Variants in C11orf65 observed in about 807,000 individuals in gnomAD.
C11orf65 encodes chromosome 11 open reading frame 65.
A neutral mutation model predicts 35.3 loss-of-function variants in C11orf65; 38 were observed. That is an observed-to-expected ratio of 1.08 (90% CI 0.83 to 1.41). The LOEUF is 1.41. Ranked by LOEUF, C11orf65 falls within the 40% of genes most tolerant of loss-of-function variation. The probability of loss-of-function intolerance (pLI) is 0.00; values close to 1 mark genes in which losing one functional copy is unlikely to be tolerated. For missense variants in C11orf65, 370 were observed against 367.1 expected (o/e 1.01, Z -0.06); for synonymous variants, 105 against 114.4 (o/e 0.92, Z 0.53).
Position 108,382,978 on chromosome 11 carries a change from G to A in C11orf65, c.*43C>T, listed in dbSNP as rs1422297571. ...TATCTCTTGGCTATAACTGATGGAT[G>A]GAAGGCTCAAAGGGCTATAACTCAG... On this transcript the variant is annotated 3_prime_UTR_variant, in exon 9 of 9. Coordinates refer to ENST00000393084, the MANE Select transcript of C11orf65 (RefSeq NM_152587.5). 1 of 1,604,464 alleles carries A rather than the reference G, an allele frequency of 6.2e-7. No homozygotes were observed. Among genetic ancestry groups the A allele is most frequent in the Admixed American group, 1.7e-5 (1 of 57,358 alleles).
chr11:108,401,489 G>C (rs2092438031), intron 6 of C11orf65, among the ~76,000 whole-genome samples: 1 of 152,128 alleles, frequency 6.6e-6, no homozygotes, highest in South Asian at 2.1e-4. Context: ...TGTTTCTCTA[G>C]CTGTGCAGCT....
At position 108,383,117 on chromosome 11, in the gene C11orf65, C is replaced by T; in HGVS notation, c.846G>A (p.Lys282=). The T allele has an allele frequency of 6.2e-7, 1 of 1,612,256 alleles. No homozygotes were observed. Among genetic ancestry groups the T allele is most frequent in the Non-Finnish European group, 8.5e-7 (1 of 1,179,214 alleles). The change falls in exon 9 of 9, where the codon AAG becomes AAA. Residue 282 remains lysine, a synonymous_variant. Transcript: ENST00000393084. The part of the protein sequence containing the change: ...NIYNYGGDIS[K]MQMGIPDDTY... ...TATCATCTGGTATTCCCATTTGCAT[C>T]TTTGATATGTCTCCTCCATAGTTAT... is the stretch of plus-strand genomic sequence containing the variant.
At chr11:108,431,864 T>C (rs1186955733) in intron 2 of C11orf65, 26 bp from the exon 3 acceptor site, 6 of 1,345,424 alleles carry the variant, frequency 4.5e-6, no homozygotes, top group Non-Finnish European at 6.1e-6. Flanking sequence ...CAAGATTTCA[T>C]GATCAAAACT....
downstream of C11orf65, chr11:108,327,649 A>G (rs761587154): frequency 6.2e-7 from 1 of 1,613,602 alleles, no homozygotes; most frequent in Non-Finnish European, 8.5e-7. Context: ...ATACAGAACA[A>G]TCCCAGCCTA....
intron 6 of C11orf65, chr11:108,320,107 C>G (rs1310445912): frequency 7.3e-7 from 1 of 1,373,608 alleles, no homozygotes; most frequent in Admixed American, 1.7e-5. Flanking sequence ...AATGTCATGG[C>G]TTCTTTTCTG....
At chr11:108,425,152 G>A (rs955431092) in intron 3 of C11orf65, among the ~76,000 whole-genome samples, 7 of 151,982 alleles carry the variant, frequency 4.6e-5, no homozygotes, top group East Asian at 3.9e-4. Context: ...AAATATCTAC[G>A]ATCAGAGCAG....
At chr11:108,378,022 G>C (rs542217552), downstream of C11orf65, among the ~76,000 whole-genome samples, 2,359 of 150,296 alleles carry the variant, frequency 0.016, 65 homozygotes, top group African/African-American at 0.054. Flanking sequence ...CTCATGGATA[G>C]GAAGAATCAA....
intron 2 of C11orf65, among the ~76,000 whole-genome samples, chr11:108,449,925 C>G (rs1327743071): frequency 6.6e-6 from 1 of 151,558 alleles, no homozygotes; most frequent in Non-Finnish European, 1.5e-5. Context: ...ACAATGAACT[C>G]AAACAAATTT....
chr11:108,408,730 AAAT>A (rs2092601242), intron 3 of C11orf65, among the ~76,000 whole-genome samples: 1 of 38,982 alleles, frequency 2.6e-5, no homozygotes, highest in Non-Finnish European at 6.1e-5. Context: ...AAATAAAATA[AAAT>A]GATATAAGAA....
intron 2 of C11orf65, among the ~76,000 whole-genome samples, chr11:108,437,110 A>AAAAAG (rs35610227): frequency 2.9e-5 from 3 of 101,920 alleles, no homozygotes; most frequent in African/African-American, 3.8e-5. Flanking sequence ...AAAAAAAAAA[A>AAAAAG]GGGGGGGGGT....
downstream of C11orf65, among the ~76,000 whole-genome samples, chr11:108,379,304 AT>A (rs1264967983): frequency 6.6e-6 from 1 of 152,208 alleles, no homozygotes; most frequent in Non-Finnish European, 1.5e-5. Flanking sequence ...GCCATAAAAA[AT>A]GATGGGTTCA....
At chr11:108,355,121 T>C (rs2089739182) in intron 2 of C11orf65, 8 of 507,806 alleles carry the variant, frequency 1.6e-5, no homozygotes, top group Non-Finnish European at 2.8e-5. Context: ...TAGTTTTCAA[T>C]TCATAAATCA....
intron 6 of C11orf65, among the ~76,000 whole-genome samples, chr11:108,314,316 G>A (rs2084422114): frequency 6.6e-6 from 1 of 152,038 alleles, no homozygotes; most frequent in Admixed American, 6.6e-5. Context: ...ATGTTGCCCA[G>A]GCCGATCTTG....
intron 2 of C11orf65, chr11:108,365,574 C>T (rs2137937065): frequency 6.5e-7 from 1 of 1,533,982 alleles, no homozygotes; most frequent in Non-Finnish European, 8.9e-7. Flanking sequence ...TTATTTTTAA[C>T]CTGCCAACAT....
chr11:108,330,316 T>C (rs1555123144), downstream of C11orf65: 2 of 1,614,216 alleles, frequency 1.2e-6, no homozygotes, highest in African/African-American at 1.3e-5. Flanking sequence ...TTGAAAATTA[T>C]ATCAACTGCT....
At chr11:108,469,087 C>CT (rs973522596), upstream of C11orf65, among the ~76,000 whole-genome samples, 1 of 151,582 alleles carries the variant, frequency 6.6e-6, no homozygotes, top group African/African-American at 2.4e-5. Context: ...GGCGCGCTGC[C>CT]TGTAGTCCCA....
intron 2 of C11orf65, among the ~76,000 whole-genome samples, chr11:108,451,654 A>G (rs2093349151): frequency 6.6e-6 from 1 of 152,160 alleles, no homozygotes. Context: ...GGAAAAGACT[A>G]CTTTAAAGTT....
intron 2 of C11orf65, among the ~76,000 whole-genome samples, chr11:108,348,587 AAAG>A (rs1237573235): frequency 1.3e-5 from 2 of 151,834 alleles, no homozygotes; most frequent in Non-Finnish European, 2.9e-5. Context: ...AATGTAATGT[AAAG>A]AAGTGTGAAT....
chr11:108,356,689 C>A (rs556006496), intron 2 of C11orf65, among the ~76,000 whole-genome samples: 2 of 152,160 alleles, frequency 1.3e-5, no homozygotes, highest in South Asian at 4.1e-4. Context: ...GTACTTGTAT[C>A]CTACCTAACA....
Sources: allele counts gnomAD v4.1 joint callset (sites outside exome capture counted in the v4.1 genomes callset), GRCh38; gene constraint gnomAD v4.1.1; transcripts MANE v1.5; gene names NCBI Gene and HGNC (gene_info 2026-07-23, HGNC 2026-07-21).